Variants in HS6ST3 observed in about 807,000 individuals in gnomAD.
HS6ST3 encodes heparan sulfate 6-O-sulfotransferase 3.
A neutral mutation model predicts 36.7 loss-of-function variants in HS6ST3; 12 were observed. The observed-to-expected ratio is 0.33, with a 90% CI of 0.21 to 0.53. HS6ST3 has a LOEUF of 0.53. Ranked by LOEUF, HS6ST3 falls within the 20% of genes least tolerant of loss-of-function variation. HS6ST3 has a pLI of 0.95. For synonymous variants in HS6ST3, 240 were observed against 257.5 expected, an observed-to-expected ratio of 0.93 and a Z score of 0.65; for missense variants, 584 against 640.9, an observed-to-expected ratio of 0.91 and a Z score of 0.96.
intron 1 of HS6ST3, among the ~76,000 whole-genome samples, chr13:96,349,564 CT>C (rs1424728109): frequency 1.3e-5 from 2 of 152,190 alleles, no homozygotes; most frequent in Non-Finnish European, 2.9e-5. Flanking sequence ...TAGGGATTCA[CT>C]TCGCTTCTGA....
rs2056191349 is a variant in HS6ST3 at position 96,544,845 on chromosome 13, C to G, written c.708-287645C>G. On this transcript the variant is annotated intron_variant, in intron 1 of 1. Coordinates refer to ENST00000376705, the MANE Select transcript of HS6ST3 (RefSeq NM_153456.4). ...TAATTACCAGGAAGTGACTTGGGCA[C>G]TGGAGAAAATCTGGCTCATTATATT... 2.0e-5 allele frequency among the ~76,000 whole-genome samples: 3 copies of G among 152,096 alleles called. No homozygotes were observed. The South Asian group carries it at 6.2e-4, about 31-fold the overall frequency.
intron 1 of HS6ST3, among the ~76,000 whole-genome samples, chr13:96,769,073 A>G (rs1222912497): frequency 6.6e-6 from 1 of 152,018 alleles, no homozygotes; most frequent in African/African-American, 2.4e-5. Flanking sequence ...ATCCCCCACA[A>G]CCAGGTACCT....
At chr13:96,393,296 TAG>T (rs2139453045) in intron 1 of HS6ST3, among the ~76,000 whole-genome samples, 1 of 152,216 alleles carries the variant, frequency 6.6e-6, no homozygotes, top group East Asian at 1.9e-4. Flanking sequence ...GAATGGATTG[TAG>T]AGAGGTGGGA....
chr13:96,711,935 T>C (rs763810295), intron 1 of HS6ST3, among the ~76,000 whole-genome samples: 1 of 152,214 alleles, frequency 6.6e-6, no homozygotes, highest in Non-Finnish European at 1.5e-5. Flanking sequence ...ACATTGAATA[T>C]GGTTGCAATA....
At chr13:96,541,179 C>T (rs2056176056) in intron 1 of HS6ST3, among the ~76,000 whole-genome samples, 1 of 152,068 alleles carries the variant, frequency 6.6e-6, no homozygotes, top group African/African-American at 2.4e-5. Context: ...ATCACAGGTG[C>T]CCGCTGCCAC....
At chr13:96,412,746 C>A (rs2055514057) in intron 1 of HS6ST3, among the ~76,000 whole-genome samples, 1 of 151,714 alleles carries the variant, frequency 6.6e-6, no homozygotes, top group Non-Finnish European at 1.5e-5. Flanking sequence ...GAAACATCTC[C>A]AACTCAATTT....
intron 1 of HS6ST3, among the ~76,000 whole-genome samples, chr13:96,444,116 G>A (rs1174836920): frequency 1.3e-5 from 2 of 152,206 alleles, no homozygotes; most frequent in Non-Finnish European, 1.5e-5. Context: ...AAAGTATAGA[G>A]TGTGAAGCAG....
chr13:96,111,793 G>A (rs1472479957), intron 1 of HS6ST3, among the ~76,000 whole-genome samples: 3 of 152,148 alleles, frequency 2.0e-5, no homozygotes, highest in Admixed American at 1.3e-4. Flanking sequence ...AATAAGCTTC[G>A]TTAAGGATGA....
intron 1 of HS6ST3, among the ~76,000 whole-genome samples, chr13:96,804,921 T>C (rs1878160449): frequency 6.6e-6 from 1 of 152,202 alleles, no homozygotes; most frequent in South Asian, 2.1e-4. Context: ...AAAATGAACA[T>C]ATATATGTAT....
intron 1 of HS6ST3, among the ~76,000 whole-genome samples, chr13:96,279,355 G>A (rs1231904918): frequency 2.6e-5 from 4 of 152,036 alleles, no homozygotes; most frequent in South Asian, 2.1e-4. Flanking sequence ...CGCTGGGTAC[G>A]GTGTATATTT....
At chr13:96,651,780 A>G (rs573023450) in intron 1 of HS6ST3, among the ~76,000 whole-genome samples, 11 of 152,194 alleles carry the variant, frequency 7.2e-5, no homozygotes, top group South Asian at 4.2e-4. Flanking sequence ...TCTCACTGAA[A>G]CAAAGTTCAT....
At chr13:96,768,615 A>G (rs1877180208) in intron 1 of HS6ST3, among the ~76,000 whole-genome samples, 1 of 152,162 alleles carries the variant, frequency 6.6e-6, no homozygotes, top group African/African-American at 2.4e-5. Flanking sequence ...GTAAACTGCA[A>G]TGCAGGAGGA....
chr13:96,102,144 C>T (rs988957647), intron 1 of HS6ST3, among the ~76,000 whole-genome samples: 5 of 151,990 alleles, frequency 3.3e-5, no homozygotes, highest in African/African-American at 7.3e-5. Flanking sequence ...TCTGTATATT[C>T]GATGAAAGAG....
chr13:96,537,888 A>G (rs1566390404), intron 1 of HS6ST3, among the ~76,000 whole-genome samples: 1 of 152,150 alleles, frequency 6.6e-6, no homozygotes, highest in Non-Finnish European at 1.5e-5. Flanking sequence ...GGTAAAATAG[A>G]GATTCATCAT....
chr13:96,100,138 G>T (rs912882823), intron 1 of HS6ST3, among the ~76,000 whole-genome samples: 1 of 152,062 alleles, frequency 6.6e-6, no homozygotes, highest in Non-Finnish European at 1.5e-5. Flanking sequence ...GAATCAGAAA[G>T]AAGGTAATAT....
chr13:96,424,050 T>G (rs1456577987), intron 1 of HS6ST3, among the ~76,000 whole-genome samples: 1 of 152,248 alleles, frequency 6.6e-6, no homozygotes, highest in Non-Finnish European at 1.5e-5. Flanking sequence ...ATATTCATAT[T>G]ACAAGTGTGT....
intron 1 of HS6ST3, among the ~76,000 whole-genome samples, chr13:96,818,914 C>G (rs1468801149): frequency 6.6e-6 from 1 of 152,122 alleles, no homozygotes; most frequent in Non-Finnish European, 1.5e-5. Flanking sequence ...TCCCACTAGC[C>G]AAAAATTGGA....
At chr13:96,183,145 T>A (rs1594707422) in intron 1 of HS6ST3, among the ~76,000 whole-genome samples, 2 of 152,216 alleles carry the variant, frequency 1.3e-5, no homozygotes, top group East Asian at 3.8e-4. Context: ...GAAAAATGAC[T>A]GAATTGAAAA....
At chr13:96,559,202 T>C (rs2056252742) in intron 1 of HS6ST3, among the ~76,000 whole-genome samples, 1 of 152,212 alleles carries the variant, frequency 6.6e-6, no homozygotes, top group African/African-American at 2.4e-5. Flanking sequence ...CTGCAACCTC[T>C]GCCTCCCGAG....
Sources: allele counts gnomAD v4.1 joint callset (sites outside exome capture counted in the v4.1 genomes callset), GRCh38; gene constraint gnomAD v4.1.1; transcripts MANE v1.5; gene names NCBI Gene and HGNC (gene_info 2026-07-23, HGNC 2026-07-21).